IBTK: variants seen among roughly 807,000 people sequenced by gnomAD.
IBTK encodes the protein BTK-binding protein.
In IBTK, 83 loss-of-function variants were observed where a neutral mutation model predicts 154.9. The ratio of observed to expected loss-of-function variants is 0.54; its 90% CI spans 0.45 to 0.64. IBTK has a LOEUF of 0.64. Ranked by LOEUF, IBTK falls within the 30% of genes least tolerant of loss-of-function variation. The probability of loss-of-function intolerance (pLI) is 0.00; values close to 1 mark genes in which losing one functional copy is unlikely to be tolerated. For synonymous variants in IBTK, 515 were observed against 536.1 expected (o/e 0.96, Z 0.54); for missense variants, 1,332 against 1,584.6 (o/e 0.84, Z 2.71).
At chr6:82,239,067 G>A (rs537719) in intron 2 of IBTK, among the ~76,000 whole-genome samples, 62,292 of 151,582 alleles carry the variant, frequency 0.41, 13,481 homozygotes, top group East Asian at 0.75. Flanking sequence ...TATAAACACC[G>A]TATGTTAACT....
intron 3 of IBTK, among the ~76,000 whole-genome samples, chr6:82,233,039 C>A (rs1770567663): frequency 6.6e-6 from 1 of 151,708 alleles, no homozygotes; most frequent in South Asian, 2.1e-4. Flanking sequence ...GTAATCCCAG[C>A]TACTCAGGAG....
chr6:82,237,661 G>GTAGTAGTAGTAGTA (rs1554188041), intron 2 of IBTK, among the ~76,000 whole-genome samples: 63 of 143,678 alleles, frequency 4.4e-4, no homozygotes, highest in Admixed American at 9.1e-4. Context: ...AGATAGTAGT[G>GTAGTAGTAGTAGTA]GTAGTAGTAG....
chr6:82,235,191 A>G (rs763364187), intron 2 of IBTK, among the ~76,000 whole-genome samples: 2 of 152,016 alleles, frequency 1.3e-5, no homozygotes, highest in Non-Finnish European at 2.9e-5. Flanking sequence ...AGCATTTCTG[A>G]TACCCCTTTA....
Position 82,211,582 on chromosome 6 carries a change from A to T in IBTK, c.2292-10T>A, listed in dbSNP as rs1252954238. On this transcript the variant is annotated splice_polypyrimidine_tract_variant and intron_variant, in intron 13 of 28. Coordinates refer to ENST00000306270, the MANE Select transcript of IBTK (RefSeq NM_015525.4). ...GTCACACAGAAATGAACTGCAAGAA[A>T]ATGTTTAATTGAAGCAAGAGCAATT... is the stretch of plus-strand genomic sequence containing the variant. 1 of 1,606,320 alleles carries T rather than the reference A, an allele frequency of 6.2e-7. No individual in the cohort carries two copies. Among genetic ancestry groups the T allele is most frequent in the Non-Finnish European group, 8.5e-7 (1 of 1,173,112 alleles).
Position 82,171,556 on chromosome 6 carries a change from T to C in IBTK, c.3931A>G (p.Ile1311Val), listed in dbSNP as rs1767929922. Residue 1311 changes from isoleucine (I) to valine (V), a missense_variant and splice_region_variant, in exon 29 of 29, where the codon ATT (isoleucine) becomes GTT (valine). Transcript: ENST00000306270. Reference protein sequence around the residue: ...SREKPLALIQIEEHAIQDLLV... With the variant: ...SREKPLALIQVEEHAIQDLLV... ...AAATCTTGTATGGCATGCTCCTCAA[T>C]CTGAAAGGAGGAAGGGAAAGAAGAC... 4 of 1,590,818 alleles carry C rather than the reference T, an allele frequency of 2.5e-6. No individual in the cohort carries two copies. In the South Asian group the frequency reaches 4.5e-5, roughly 18 times the overall value.
intron 3 of IBTK, among the ~76,000 whole-genome samples, chr6:82,232,866 A>T (rs1173865503): frequency 6.6e-6 from 1 of 152,116 alleles, no homozygotes; most frequent in Non-Finnish European, 1.5e-5. Flanking sequence ...AAAAGTATAA[A>T]AATTGGCCGC....
Position 82,172,457 on chromosome 6 carries a change from C to T in IBTK, c.3853G>A (p.Ala1285Thr). 1 of 1,613,820 alleles carries T rather than the reference C, an allele frequency of 6.2e-7. No homozygotes were observed. Among genetic ancestry groups the T allele is most frequent in the Non-Finnish European group, 8.5e-7 (1 of 1,179,798 alleles). The change falls in exon 28 of 29, where the codon GCA (alanine) becomes ACA (threonine). Residue 1285 changes from alanine (A) to threonine (T), a missense_variant. By Grantham distance (58) the Ala-to-Thr change is moderately conservative. Transcript: ENST00000306270. ...APSMVAPVTF[A>T]SIVEEELQQE... ...TGTAGTTCTTCTTCTACAATAGATG[C>T]AAAAGTGACTGGGGCTACCATGGAT... is the stretch of plus-strand genomic sequence containing the variant.
Position 82,182,668 on chromosome 6 carries a change from G to GA in IBTK, c.3576-641dup, listed in dbSNP as rs765352007. On this transcript the variant is annotated intron_variant, in intron 25 of 28. Coordinates refer to ENST00000306270, the MANE Select transcript of IBTK (RefSeq NM_015525.4). ...CAGAATTTTGGCAAACCCCAAAAAAGATAAAACAAAGAAAACCATATTTAG... is the reference window on the plus strand; with the variant it reads ...CAGAATTTTGGCAAACCCCAAAAAAGAATAAAACAAAGAAAACCATATTTAG... Among the ~76,000 whole-genome samples, 12 of 151,960 alleles carry GA rather than the reference G, an allele frequency of 7.9e-5. 1 individual carries two copies. The highest frequency in any genetic ancestry group is 3.9e-4 in the Admixed American group (6 of 15,256).
At chr6:82,203,892 G>A (rs990028355) in intron 17 of IBTK, among the ~76,000 whole-genome samples, 3 of 152,134 alleles carry the variant, frequency 2.0e-5, no homozygotes, top group Non-Finnish European at 2.9e-5. Flanking sequence ...ACAGTCTACA[G>A]TGCTCAAGAA....
rs1252850499 is a variant in IBTK at position 82,212,847 on chromosome 6, T to C, written c.2205-54A>G. On this transcript the variant is annotated intron_variant, in intron 12 of 28. Coordinates refer to ENST00000306270, the MANE Select transcript of IBTK (RefSeq NM_015525.4). The stretch of plus-strand genomic sequence containing the variant: ...TGATATTCCCCTACAAAAATAAACA[T>C]ACAACAAAAAATCCAACAAATTAGC... 7 of 1,046,948 alleles carry C rather than the reference T, an allele frequency of 6.7e-6. No homozygotes were observed. In the East Asian group the frequency reaches 1.4e-4, roughly 21 times the overall value. The allele number at this position is 1,046,948 out of a possible 1,614,324, so 64.9% of individuals were successfully genotyped here. A position where few individuals can be genotyped will look rare whatever the true frequency, so the allele number is the denominator to read the frequency against.
intron 2 of IBTK, 100 bp downstream of exon 2, chr6:82,240,066 A>C: frequency 1.0e-6 from 1 of 965,866 alleles, no homozygotes; most frequent in Non-Finnish European, 1.5e-6. Flanking sequence ...AAGCAAGAAA[A>C]AATGCAAATA....
intron 25 of IBTK, among the ~76,000 whole-genome samples, chr6:82,190,833 A>T (rs1394183288): frequency 6.6e-6 from 1 of 152,088 alleles, no homozygotes; most frequent in African/African-American, 2.4e-5. Flanking sequence ...TTTGATGTGT[A>T]TGATGATGTG....
intron 27 of IBTK, chr6:82,172,744 A>G (rs1462447749): frequency 2.3e-6 from 1 of 428,174 alleles, no homozygotes; most frequent in Non-Finnish European, 4.1e-6. Context: ...TTTTCCAGTG[A>G]CCTACGATGA....
intron 26 of IBTK, among the ~76,000 whole-genome samples, chr6:82,181,385 T>C (rs1173846736): frequency 6.6e-6 from 1 of 152,182 alleles, no homozygotes; most frequent in Non-Finnish European, 1.5e-5. Flanking sequence ...CATAACAGCA[T>C]GAATAAATCT....
rs750052590 is a variant in IBTK at position 82,211,500 on chromosome 6, A to G, written c.2364T>C (p.Cys788=). ...KEFPCHKCVL[C]ARLEYFHSML... ...AAAAAGTGCACCTACCAAGTCTAGCACAAAGAACACATTTATGACAAGGAA... is the reference window on the plus strand; with the variant it reads ...AAAAAGTGCACCTACCAAGTCTAGCGCAAAGAACACATTTATGACAAGGAA... The change falls in exon 14 of 29, where the codon TGT becomes TGC. Residue 788 remains cysteine (C), a synonymous_variant. Transcript: ENST00000306270. 8.7e-6 allele frequency: 14 copies of G among 1,613,284 alleles called. No individual in the cohort carries two copies. The highest frequency in any genetic ancestry group is 1.1e-5 in the Non-Finnish European group (13 of 1,179,400).
rs780105932 is a variant in IBTK, at chr6:82,231,861, T to A, written c.419-19A>T. ...GTAGGATCTAAAATAAAAATTAGTT[T>A]TTATACTTTTTTATATTTTAAAACA... On this transcript the variant is annotated intron_variant, in intron 3 of 28. Coordinates refer to ENST00000306270, the MANE Select transcript of IBTK (RefSeq NM_015525.4). 17 of 1,386,056 alleles carry A rather than the reference T, an allele frequency of 1.2e-5. No individual in the cohort carries two copies. In the African/African-American group the frequency reaches 2.5e-4, roughly 20 times the overall value. The allele number at this position is 1,386,056 out of a possible 1,614,324, so 85.9% of individuals were successfully genotyped here. A position where few individuals can be genotyped will look rare whatever the true frequency, so the allele number is the denominator to read the frequency against.
intron 24 of IBTK, 105 bp downstream of exon 24, chr6:82,191,682 A>G (rs1768775069): frequency 1.3e-6 from 1 of 772,902 alleles, no homozygotes; most frequent in Admixed American, 2.0e-5. Flanking sequence ...ATAATTAACT[A>G]TAACATCAAA....
intron 16 of IBTK, among the ~76,000 whole-genome samples, chr6:82,208,748 A>G (rs898718196): frequency 5.9e-5 from 9 of 152,142 alleles, no homozygotes; most frequent in Non-Finnish European, 1.3e-4. Flanking sequence ...TGTCTCAAAA[A>G]TAAAAAAAAA....
intron 5 of IBTK, among the ~76,000 whole-genome samples, chr6:82,226,009 G>A (rs1175817386): frequency 6.6e-6 from 1 of 151,954 alleles, no homozygotes; most frequent in South Asian, 2.1e-4. Flanking sequence ...TTTCCCTTCG[G>A]GGAGTAGCCA....
Sources: gnomAD v4.1 joint callset for allele counts (sites outside exome capture counted in the v4.1 genomes callset) on GRCh38, gnomAD v4.1.1 for gene constraint, MANE v1.5 for transcripts, NCBI Gene and HGNC (gene_info 2026-07-23, HGNC 2026-07-21) for gene names.